Variants in SPTBN4 observed in about 807,000 individuals in gnomAD.
SPTBN4 encodes spectrin beta chain, non-erythrocytic 4.
A neutral mutation model predicts 277.8 loss-of-function variants in SPTBN4; 96 were observed. The observed-to-expected ratio is 0.35, with a 90% CI of 0.29 to 0.41. The LOEUF is 0.41. SPTBN4 is among the 10% of genes least tolerant of loss of function. SPTBN4 has a pLI of 1.00. For synonymous variants in SPTBN4, 1,481 were observed against 1,580.3 expected, an observed-to-expected ratio of 0.94 and a Z score of 1.49; for missense variants, 3,006 against 3,595.7, an observed-to-expected ratio of 0.84 and a Z score of 4.19.
intron 4 of SPTBN4, among the ~76,000 whole-genome samples, chr19:40,492,597 C>T (rs1325269195): frequency 2.0e-5 from 3 of 152,054 alleles, no homozygotes; most frequent in South Asian, 2.1e-4. Flanking sequence ...TTTGAGTGTT[C>T]GCAGGGTCCC....
At chr19:40,522,727 C>T (rs2080542558) in intron 16 of SPTBN4, among the ~76,000 whole-genome samples, 1 of 152,084 alleles carries the variant, frequency 6.6e-6, no homozygotes, top group Non-Finnish European at 1.5e-5. Context: ...CCTCAGGCAA[C>T]AAAATACAAA....
chr19:40,499,949 AATG>A (rs1158157537), intron 7 of SPTBN4, among the ~76,000 whole-genome samples: 1 of 151,972 alleles, frequency 6.6e-6, no homozygotes, highest in Admixed American at 6.6e-5. Flanking sequence ...GGTAAATTAA[AATG>A]ATATCACTCA....
At chr19:40,498,904 G>T (rs2080232776) in intron 7 of SPTBN4, among the ~76,000 whole-genome samples, 1 of 151,644 alleles carries the variant, frequency 6.6e-6, no homozygotes, top group Admixed American at 6.6e-5. Context: ...GTTTCATCAT[G>T]TTGCCCAGGC....
intron 14 of SPTBN4, among the ~76,000 whole-genome samples, chr19:40,513,791 T>C (rs1351898854): frequency 2.0e-5 from 3 of 152,110 alleles, no homozygotes; most frequent in Non-Finnish European, 4.4e-5. Flanking sequence ...GAACGGTAAA[T>C]GAGTTCATAC....
intron 35 of SPTBN4, 27 bp downstream of exon 35, chr19:40,572,407 G>A (rs1216830438): frequency 6.2e-7 from 1 of 1,613,916 alleles, no homozygotes; most frequent in Admixed American, 1.7e-5. Flanking sequence ...TCCTCCCTCT[G>A]TGTGGACCTC....
chr19:40,569,786 G>A, intron 32 of SPTBN4, 60 bp downstream of exon 32: 2 of 1,526,228 alleles, frequency 1.3e-6, no homozygotes, highest in Non-Finnish European at 1.8e-6. Context: ...CAGGAGGCAG[G>A]ATCTCAGAAA....
chr19:40,485,014 T>C (rs1163134609), intron 2 of SPTBN4, among the ~76,000 whole-genome samples: 1 of 150,328 alleles, frequency 6.7e-6, no homozygotes, highest in Non-Finnish European at 1.5e-5. Context: ...CGCTAATTTT[T>C]GTTTTTCTGG....
intron 1 of SPTBN4, among the ~76,000 whole-genome samples, chr19:40,468,675 G>A (rs938750851): frequency 4.6e-5 from 7 of 152,086 alleles, no homozygotes; most frequent in African/African-American, 1.4e-4. Context: ...CCACCGTGCC[G>A]GGCCATCATT....
intron 1 of SPTBN4, among the ~76,000 whole-genome samples, chr19:40,469,436 T>A (rs554426968): frequency 3.3e-4 from 50 of 151,246 alleles, no homozygotes; most frequent in Admixed American, 3.0e-3. Flanking sequence ...ACCTAATTTT[T>A]GTGTTTTTAG....
intron 17 of SPTBN4, among the ~76,000 whole-genome samples, chr19:40,528,090 T>C: frequency 2.1e-5 from 3 of 143,018 alleles, no homozygotes; most frequent in African/African-American, 2.6e-5. Flanking sequence ...CTCTAAGGAC[T>C]CTCATGGAGA....
At chr19:40,488,192 G>T (rs562904052) in intron 3 of SPTBN4, among the ~76,000 whole-genome samples, 212 of 152,086 alleles carry the variant, frequency 1.4e-3, no homozygotes, top group Non-Finnish European at 2.3e-3. Context: ...ACTGGCCCGG[G>T]TTATGAGCTA....
chr19:40,544,808 A>G (rs1358538116), intron 20 of SPTBN4, among the ~76,000 whole-genome samples: 1 of 151,506 alleles, frequency 6.6e-6, no homozygotes. Context: ...GGATTTGTTT[A>G]ACCATTTTAC....
rs764884611 is a variant in SPTBN4 at position 40,519,579 on chromosome 19, G to C, written c.3082G>C (p.Glu1028Gln). 8.0e-6 allele frequency: 12 copies of C among 1,504,608 alleles called. No homozygotes were observed. Among genetic ancestry groups the C allele is most frequent in the Non-Finnish European group, 1.1e-5 (12 of 1,135,396 alleles). 93.2% of individuals were successfully genotyped at this position (1,504,608 alleles called of 1,614,324 possible). A position where few individuals can be genotyped will look rare whatever the true frequency, so the allele number is the denominator to read the frequency against. Residue 1028 changes from glutamate (E) to glutamine (Q), a missense_variant, in exon 16 of 36, where the codon GAG (glutamate) becomes CAG (glutamine). Glu to Gln is a conservative substitution (Grantham distance 29, BLOSUM62 2). Transcript: ENST00000598249. This position sits in a 1 kb window ranked among gnomAD's most constrained non-coding sequence, Gnocchi z 5.7. ...GALQWRLSGL[E>Q]AALQALEPRQ... ...CCTGCAGTGGCGTCTTAGCGGCCTA[G>C]AGGCCGCTCTGCAGGCGCTGGAGCC...
chr19:40,535,959 C>G (rs1438317412), intron 20 of SPTBN4, among the ~76,000 whole-genome samples: 1 of 151,428 alleles, frequency 6.6e-6, no homozygotes, highest in East Asian at 1.9e-4. Context: ...GACTCCATCT[C>G]AAAAAATAAA....
At chr19:40,509,061 T>A (rs892103791) in intron 13 of SPTBN4, among the ~76,000 whole-genome samples, 6 of 151,206 alleles carry the variant, frequency 4.0e-5, no homozygotes, top group African/African-American at 9.7e-5. Flanking sequence ...GAGTTTTTTT[T>A]ATTATTATTG....
rs1259702832 is a variant in SPTBN4 at position 40,575,401 on chromosome 19, C to T, written c.7537-10C>T. On this transcript the variant is annotated splice_polypyrimidine_tract_variant and intron_variant, in intron 35 of 35. Transcript: ENST00000598249. ...CAAATACGGCCTCTGTGCCCTGTTT[C>T]TTCCCCCAGGAGGAGATGAACGGCT... 2.5e-6 allele frequency: 4 copies of T among 1,612,070 alleles called. No individual in the cohort carries two copies. The highest frequency in any genetic ancestry group is 3.4e-6 in the Non-Finnish European group (4 of 1,179,068).
intron 26 of SPTBN4, among the ~76,000 whole-genome samples, chr19:40,558,947 T>TATTATTATTATTATGATG (rs1026792401): frequency 1.4e-5 from 2 of 146,140 alleles, no homozygotes; most frequent in African/African-American, 5.1e-5. Flanking sequence ...TTATTATTAT[T>TATTATTATTATTATGATG]ATGAGGCAGA....
chr19:40,519,408 C>G lies in SPTBN4; in HGVS notation c.2911C>G (p.Arg971Gly). 1.3e-6 allele frequency: 2 copies of G among 1,565,408 alleles called. No homozygotes were observed. Among genetic ancestry groups the G allele is most frequent in the Non-Finnish European group, 1.7e-6 (2 of 1,158,456 alleles). The part of the protein sequence containing the change: ...CQDHLNSRWN[R>G]IVELVEQRKE... ...TCTCTTTCCCCTGGGCAGGTGGAAC[C>G]GCATCGTGGAGCTAGTGGAACAGCG... The change falls in exon 16 of 36, where the codon CGC (arginine) becomes GGC (glycine). Residue 971 changes from arginine (R) to glycine (G), a missense_variant. By Grantham distance (125) the Arg-to-Gly change is moderately radical (BLOSUM62 -2). Coordinates refer to ENST00000598249, the MANE Select transcript of SPTBN4 (RefSeq NM_020971.3). This position sits in a 1 kb window ranked among gnomAD's most constrained non-coding sequence, Gnocchi z 5.7.
intron 1 of SPTBN4, among the ~76,000 whole-genome samples, chr19:40,468,857 G>T (rs2145792145): frequency 6.6e-6 from 1 of 152,292 alleles, no homozygotes; most frequent in Non-Finnish European, 1.5e-5. Context: ...CCAGCACTTT[G>T]GGAAGTTGAA....
Sources: allele counts gnomAD v4.1 joint callset (sites outside exome capture counted in the v4.1 genomes callset), GRCh38; gene constraint gnomAD v4.1.1; non-coding constraint Gnocchi (gnomAD v3.1); transcripts MANE v1.5; gene names NCBI Gene and HGNC (gene_info 2026-07-23, HGNC 2026-07-21).